The following NCOA2 variants were observed in gnomAD, a reference collection of about 807,000 sequenced individuals.
The protein encoded by NCOA2 is class E basic helix-loop-helix protein 75.
A neutral mutation model predicts 145.1 loss-of-function variants in NCOA2; 21 were observed. That is an observed-to-expected ratio of 0.14 (90% CI 0.10 to 0.21). The LOEUF is 0.21. Ranked by LOEUF, NCOA2 falls within the 10% of genes least tolerant of loss-of-function variation. The pLI is 1.00. For synonymous variants in NCOA2, 619 were observed against 637.5 expected, an observed-to-expected ratio of 0.97 and a Z score of 0.44; for missense variants, 1,472 against 1,837.6, an observed-to-expected ratio of 0.80 and a Z score of 3.64.
intron 1 of NCOA2, among the ~76,000 whole-genome samples, chr8:70,388,911 G>T (rs926096876): frequency 6.6e-6 from 1 of 152,138 alleles, no homozygotes; most frequent in African/African-American, 2.4e-5. Context: ...AGATCTCATA[G>T]ATCTCAGTGA....
intron 15 of NCOA2, among the ~76,000 whole-genome samples, chr8:70,137,143 G>A (rs906552812): frequency 6.6e-6 from 1 of 152,202 alleles, no homozygotes; most frequent in African/African-American, 2.4e-5. Context: ...GGGTTCAAGC[G>A]ATTCTCCTGC....
At chr8:70,222,530 AGTG>A (rs1349976983) in intron 2 of NCOA2, among the ~76,000 whole-genome samples, 4 of 152,192 alleles carry the variant, frequency 2.6e-5, no homozygotes, top group African/African-American at 9.6e-5. Flanking sequence ...ATGGCCTTAA[AGTG>A]GTATATTAGA....
At chr8:70,203,896 T>A (rs1274965207) in intron 4 of NCOA2, among the ~76,000 whole-genome samples, 1 of 152,230 alleles carries the variant, frequency 6.6e-6, no homozygotes, top group Admixed American at 6.5e-5. Context: ...AATGTGAATG[T>A]GCGTTCTATA....
intron 1 of NCOA2, among the ~76,000 whole-genome samples, chr8:70,311,487 T>C (rs1435255858): frequency 6.6e-6 from 1 of 152,176 alleles, no homozygotes; most frequent in Non-Finnish European, 1.5e-5. Flanking sequence ...ACTTATTAAT[T>C]TTTTACCCAA....
intron 4 of NCOA2, among the ~76,000 whole-genome samples, chr8:70,206,372 T>A (rs553452419): frequency 1.3e-5 from 2 of 152,274 alleles, no homozygotes; most frequent in South Asian, 4.2e-4. Context: ...TCCTTCTAAG[T>A]CTATTTAAAT....
rs1812382094 is a variant in NCOA2 at position 70,383,332 on chromosome 8, C to T, written c.-77+20368G>A. On this transcript the variant is annotated intron_variant, in intron 1 of 22. Transcript: ENST00000452400. ...TGTTTAATCCCTTGACCTATAATTA[C>T]TCATTTAAGACAGACACACTGTCAG... Among the ~76,000 whole-genome samples the T allele has an allele frequency of 5.9e-5, 9 of 152,306 alleles. No individual in the cohort carries two copies. In the South Asian group the frequency reaches 1.9e-3, roughly 32 times the overall value.
chr8:70,254,217 G>A (rs747787383), intron 2 of NCOA2, among the ~76,000 whole-genome samples: 9 of 152,264 alleles, frequency 5.9e-5, no homozygotes, highest in East Asian at 3.9e-4. Context: ...CATAAGGATC[G>A]CTACTATCAA....
At chr8:70,454,733 C>A in the NCOA2 span, among the ~76,000 whole-genome samples, 1 of 152,190 alleles carries the variant, frequency 6.6e-6, no homozygotes, top group Non-Finnish European at 1.5e-5. Context: ...AGACAGGATA[C>A]CCCTGTTGTC....
intron 4 of NCOA2, among the ~76,000 whole-genome samples, chr8:70,200,608 A>G (rs572256061): frequency 2.6e-4 from 40 of 152,362 alleles, no homozygotes; most frequent in African/African-American, 9.6e-4. Flanking sequence ...TTGAAGGAAC[A>G]ATAATTGCTA....
chr8:70,249,134 G>A (rs1373341848), intron 2 of NCOA2, among the ~76,000 whole-genome samples: 1 of 152,060 alleles, frequency 6.6e-6, no homozygotes, highest in Admixed American at 6.6e-5. Flanking sequence ...TAACCAGGGT[G>A]GGCCTGAGCT....
At chr8:70,336,707 A>G (rs890376612) in intron 1 of NCOA2, among the ~76,000 whole-genome samples, 6 of 152,234 alleles carry the variant, frequency 3.9e-5, no homozygotes, top group African/African-American at 1.4e-4. Flanking sequence ...ACAAGGGGGA[A>G]ATCCACCCCC....
At chr8:70,247,272 A>T (rs886885220) in intron 2 of NCOA2, among the ~76,000 whole-genome samples, 1 of 152,206 alleles carries the variant, frequency 6.6e-6, no homozygotes, top group Non-Finnish European at 1.5e-5. Flanking sequence ...TTAGGAAATA[A>T]AGTAATTTCA....
the NCOA2 span, among the ~76,000 whole-genome samples, chr8:70,445,320 G>C: frequency 1.3e-5 from 2 of 152,146 alleles, no homozygotes; most frequent in Non-Finnish European, 2.9e-5. Flanking sequence ...GGAAAGGCTT[G>C]GTTGAAGCAT....
chr8:70,233,105 C>G (rs535202294), intron 2 of NCOA2, among the ~76,000 whole-genome samples: 3 of 28,464 alleles, frequency 1.1e-4, no homozygotes, highest in Middle Eastern at 0.015. Flanking sequence ...TCCGCCTGTA[C>G]TCCCAAGCTA....
chr8:70,159,467 C>T (rs781444947), intron 10 of NCOA2, 38 bp downstream of exon 10: 5 of 1,512,476 alleles, frequency 3.3e-6, no homozygotes, highest in Non-Finnish European at 3.6e-6. Context: ...CTCCTCTTAA[C>T]TTGGAAATGG....
chr8:70,399,145 C>T (rs1813981859), intron 1 of NCOA2, among the ~76,000 whole-genome samples: 1 of 152,152 alleles, frequency 6.6e-6, no homozygotes, highest in Non-Finnish European at 1.5e-5. Flanking sequence ...TGAAGGTCTG[C>T]AACATTAAAA....
intron 1 of NCOA2, among the ~76,000 whole-genome samples, chr8:70,385,714 A>C (rs60034031): frequency 9.2e-5 from 14 of 152,188 alleles, no homozygotes; most frequent in Non-Finnish European, 1.6e-4. Flanking sequence ...GGCATGAGCC[A>C]CTGCACCCAG....
intron 1 of NCOA2, among the ~76,000 whole-genome samples, chr8:70,336,032 C>A (rs1235108128): frequency 6.6e-6 from 1 of 152,106 alleles, no homozygotes; most frequent in Non-Finnish European, 1.5e-5. Flanking sequence ...AGGGCTCTTG[C>A]AATGAATGGA....
intron 1 of NCOA2, among the ~76,000 whole-genome samples, chr8:70,342,173 G>A (rs1195626151): frequency 6.6e-6 from 1 of 152,052 alleles, no homozygotes; most frequent in Non-Finnish European, 1.5e-5. Flanking sequence ...TATCTGTTTT[G>A]ACAAATGAAT....
Sources: allele counts gnomAD v4.1 joint callset (sites outside exome capture counted in the v4.1 genomes callset), GRCh38; gene constraint gnomAD v4.1.1; transcripts MANE v1.5; gene names NCBI Gene and HGNC (gene_info 2026-07-23, HGNC 2026-07-21).